Variants in PLD1 observed in about 807,000 individuals in gnomAD.
The protein encoded by PLD1 is choline phosphatase 1.
PLD1 carries 112 observed loss-of-function variants against 137.1 expected under a neutral mutation model. That is an observed-to-expected ratio of 0.82 (90% CI 0.70 to 0.96). The LOEUF (loss-of-function observed/expected upper bound fraction) is 0.96. Among genes scored for constraint, PLD1 ranks in the 40% least tolerant of loss-of-function variants. The pLI is 0.00. For missense variants in PLD1, 1,321 were observed against 1,342.0 expected (o/e 0.98, Z 0.24); for synonymous variants, 431 against 454.7 (o/e 0.95, Z 0.66).
At position 171,676,820 on chromosome 3, in the gene PLD1, C is replaced by G; in HGVS notation, c.2010G>C (p.Arg670Ser). The G allele has an allele frequency of 6.2e-7, 1 of 1,613,392 alleles. No individual in the cohort carries two copies. The highest frequency in any genetic ancestry group is 8.5e-7 in the Non-Finnish European group (1 of 1,179,352). The change falls in exon 18 of 27, where the codon AGG (arginine) becomes AGC (serine). Residue 670 changes from arginine to serine, a missense_variant. Coordinates refer to ENST00000351298, the MANE Select transcript of PLD1 (RefSeq NM_002662.5). ...LDKPFADFID[R>S]YSTPRMPWHD... ...GCCAGGGCATCCGGGGCGTGGAGTA[C>G]CTGTCAATGAAATCTGCCCGGGTGC...
At chr3:171,726,997 G>C (rs1718566928) in intron 6 of PLD1, among the ~76,000 whole-genome samples, 1 of 152,136 alleles carries the variant, frequency 6.6e-6, no homozygotes, top group Non-Finnish European at 1.5e-5. Context: ...AATAGCCATA[G>C]ACGCATACAT....
In PLD1 at chr3:171,629,586, G is replaced by A. The variant is rs1256757916; in HGVS notation, c.2594-9066C>T. Among the ~76,000 whole-genome samples, 7 of 152,170 alleles carry A rather than the reference G, an allele frequency of 4.6e-5. No homozygotes were observed. In the East Asian group the frequency reaches 1.3e-3, roughly 29 times the overall value. ...CCTAAGCCAAAAGAACAAAGCTGGAGGCATCATGCTACCTGACTTCAAACT... is the reference window on the plus strand; with the variant it reads ...CCTAAGCCAAAAGAACAAAGCTGGAAGCATCATGCTACCTGACTTCAAACT... On this transcript the variant is annotated intron_variant, in intron 23 of 26. Transcript: ENST00000351298.
At chr3:171,749,875 C>T (rs1720528495) in intron 1 of PLD1, among the ~76,000 whole-genome samples, 1 of 152,192 alleles carries the variant, frequency 6.6e-6, no homozygotes, top group Non-Finnish European at 1.5e-5. Context: ...TCAGCTAGTA[C>T]TAAAATGACT....
chr3:171,739,025 C>T (rs1719584939), intron 1 of PLD1, among the ~76,000 whole-genome samples: 1 of 152,144 alleles, frequency 6.6e-6, no homozygotes, highest in African/African-American at 2.4e-5. Context: ...AAACACTGAG[C>T]ATCCACCACA....
intron 1 of PLD1, among the ~76,000 whole-genome samples, chr3:171,761,747 T>A (rs1436643393): frequency 1.3e-5 from 2 of 152,232 alleles, no homozygotes; most frequent in African/African-American, 2.4e-5. Flanking sequence ...CTGTGAAGAA[T>A]GTTCCAGTTG....
chr3:171,758,277 G>C (rs769404699), intron 1 of PLD1, among the ~76,000 whole-genome samples: 3 of 152,180 alleles, frequency 2.0e-5, no homozygotes, highest in Non-Finnish European at 2.9e-5. Flanking sequence ...ACGTGACTCA[G>C]CTGGTGGGTG....
intron 14 of PLD1, among the ~76,000 whole-genome samples, chr3:171,687,796 CT>C (rs1714733739): frequency 6.6e-6 from 1 of 152,088 alleles, no homozygotes; most frequent in South Asian, 2.1e-4. Flanking sequence ...CTGCTATGGT[CT>C]TTTTTCAGTA....
intron 1 of PLD1, among the ~76,000 whole-genome samples, chr3:171,784,348 T>C (rs934291651): frequency 6.7e-6 from 1 of 149,322 alleles, no homozygotes. Context: ...ATGTAAGCAC[T>C]AAGTCACCTC....
At chr3:171,665,557 G>A (rs557264896) in intron 19 of PLD1, among the ~76,000 whole-genome samples, 13 of 151,978 alleles carry the variant, frequency 8.6e-5, no homozygotes, top group East Asian at 1.9e-4. Flanking sequence ...AAAATTAGCC[G>A]GGCTTGGTGG....
At chr3:171,677,193 TATAAACCCAGTG>T (rs1713466824) in intron 17 of PLD1, among the ~76,000 whole-genome samples, 1 of 152,186 alleles carries the variant, frequency 6.6e-6, no homozygotes, top group South Asian at 2.1e-4. Context: ...CTCTTAAACA[TATAAACCCAGTG>T]ATAACCTGAA....
chr3:171,671,992 C>T (rs1163429398), intron 19 of PLD1, among the ~76,000 whole-genome samples: 7 of 150,854 alleles, frequency 4.6e-5, no homozygotes, highest in Non-Finnish European at 3.0e-5. Context: ...CCCACCCCGC[C>T]CCCGCCCTGG....
chr3:171,805,291 C>T (rs1009608096), intron 1 of PLD1, among the ~76,000 whole-genome samples: 19 of 152,150 alleles, frequency 1.2e-4, no homozygotes, highest in African/African-American at 4.1e-4. Context: ...AGCTGAGGGT[C>T]ACGGGCATTA....
intron 23 of PLD1, among the ~76,000 whole-genome samples, chr3:171,626,897 C>G (rs948737659): frequency 3.9e-5 from 6 of 152,234 alleles, no homozygotes; most frequent in Non-Finnish European, 8.8e-5. Flanking sequence ...ACTGCAAAAT[C>G]ATGCCAATGC....
intron 6 of PLD1, among the ~76,000 whole-genome samples, chr3:171,726,602 A>G (rs181503053): frequency 1.0e-3 from 157 of 152,354 alleles, no homozygotes; most frequent in African/African-American, 3.5e-3. Flanking sequence ...AGAATAAAAA[A>G]TTAAACAGGC....
At chr3:171,807,549 A>G (rs991489440) in intron 1 of PLD1, among the ~76,000 whole-genome samples, 3 of 152,206 alleles carry the variant, frequency 2.0e-5, no homozygotes, top group Admixed American at 6.5e-5. Flanking sequence ...TTTTACCACA[A>G]CAAAAGTGAA....
At chr3:171,623,289 C>T (rs1733789369) in intron 23 of PLD1, among the ~76,000 whole-genome samples, 1 of 150,076 alleles carries the variant, frequency 6.7e-6, no homozygotes, top group Admixed American at 6.7e-5. Flanking sequence ...AAGAGAAAAG[C>T]TATGAGTCAT....
chr3:171,612,048 G>GT lies in PLD1; in HGVS notation c.2882+230dup, dbSNP rs201871667. Among the ~76,000 whole-genome samples the GT allele has an allele frequency of 9.8e-3, 1,491 of 152,252 alleles. 11 individuals are homozygous for GT. Among genetic ancestry groups the GT allele is most frequent in the Non-Finnish European group, 0.016 (1,109 of 68,004 alleles). ...AATGAGCTGTAACTGCACCACTGCA[G>GT]TTTTTTCTACTGCACGTGACAGTAA... is the stretch of plus-strand genomic sequence containing the variant. On this transcript the variant is annotated intron_variant, in intron 25 of 26. Transcript: ENST00000351298. This position sits in a 1 kb window ranked among gnomAD's most constrained non-coding sequence, Gnocchi z 4.1.
chr3:171,605,496 C>G (rs757451141), intron 25 of PLD1, 80 bp from the exon 26 acceptor site: 1 of 797,034 alleles, frequency 1.3e-6, no homozygotes, highest in Non-Finnish European at 2.2e-6. Context: ...ATATCTATCT[C>G]TATATATGCA....
At chr3:171,624,831 A>G (rs1005997115) in intron 23 of PLD1, among the ~76,000 whole-genome samples, 6 of 152,184 alleles carry the variant, frequency 3.9e-5, no homozygotes, top group Admixed American at 2.6e-4. Flanking sequence ...AGGAGAAATA[A>G]GAAAATATAC....
Sources: allele counts gnomAD v4.1 joint callset (sites outside exome capture counted in the v4.1 genomes callset), GRCh38; gene constraint gnomAD v4.1.1; non-coding constraint Gnocchi (gnomAD v3.1); transcripts MANE v1.5; gene names NCBI Gene and HGNC (gene_info 2026-07-23, HGNC 2026-07-21).